FAT4: variants seen among roughly 807,000 people sequenced by gnomAD.
FAT4 encodes protocadherin Fat 4.
In FAT4, 84 loss-of-function variants were observed where a neutral mutation model predicts 303.9. That is an observed-to-expected ratio of 0.28 (90% CI 0.23 to 0.33). The LOEUF (loss-of-function observed/expected upper bound fraction) is 0.33, where lower values mean the gene tolerates loss of function less well. FAT4 is among the 10% of genes least tolerant of loss of function. The probability of loss-of-function intolerance (pLI) is 1.00; values close to 1 mark genes in which losing one functional copy is unlikely to be tolerated. For missense variants in FAT4, 6,005 were observed against 6,146.8 expected (o/e 0.98, Z 0.77); for synonymous variants, 2,307 against 2,298.8 (o/e 1.00, Z -0.10).
Position 125,490,488 on chromosome 4 carries a change from T to C in FAT4, c.13672T>C (p.Phe4558Leu). Residue 4558 changes from phenylalanine (F) to leucine (L), a missense_variant, in exon 18 of 18, where the codon TTT becomes CTT. Transcript: ENST00000394329. ...KKKKGSENVA[F>L]DDPDNIPPYG... ...GAAAAAGGGAAGTGAGAACGTTGCT[T>C]TTGATGACCCTGACAATATCCCTCC... 1 of 1,614,044 alleles carries C rather than the reference T, an allele frequency of 6.2e-7. No homozygotes were observed. Among genetic ancestry groups the C allele is most frequent in the Non-Finnish European group, 8.5e-7 (1 of 1,180,016 alleles).
intron 2 of FAT4, among the ~76,000 whole-genome samples, chr4:125,326,534 A>G (rs527312768): frequency 6.6e-6 from 1 of 152,292 alleles, no homozygotes; most frequent in African/African-American, 2.4e-5. Context: ...TGAGTCTCAG[A>G]TAAGTTAATA....
intron 2 of FAT4, among the ~76,000 whole-genome samples, chr4:125,367,380 A>G (rs945327799): frequency 2.0e-5 from 3 of 152,120 alleles, no homozygotes; most frequent in Admixed American, 6.5e-5. Context: ...GAAGAACACA[A>G]AGGTTATAGA....
intron 2 of FAT4, among the ~76,000 whole-genome samples, chr4:125,382,277 G>A (rs1289450698): frequency 1.3e-5 from 2 of 152,064 alleles, no homozygotes; most frequent in Non-Finnish European, 1.5e-5. Flanking sequence ...GGCAGCTATA[G>A]CCTTACAAGA....
chr4:125,491,502 C>T lies in FAT4; in HGVS notation c.14686C>T (p.His4896Tyr). Residue 4896 changes from histidine to tyrosine, a missense_variant, in exon 18 of 18, where the codon CAC becomes TAC. Coordinates refer to ENST00000394329, the MANE Select transcript of FAT4 (RefSeq NM_001291303.3). The stretch of plus-strand genomic sequence containing the variant: ...AGCCAGACTGAAGCCTCGAAGGTAC[C>T]ACGGTCGCAGGGCCGAGGGAGGACC... ...YGARLKPRRY[H>Y]GRRAEGGPVG... The T allele has an allele frequency of 6.2e-7, 1 of 1,614,116 alleles. No homozygotes were observed. Among genetic ancestry groups the T allele is most frequent in the Non-Finnish European group, 8.5e-7 (1 of 1,180,022 alleles).
intron 2 of FAT4, among the ~76,000 whole-genome samples, chr4:125,357,797 T>C (rs1732494220): frequency 6.6e-6 from 1 of 151,476 alleles, no homozygotes; most frequent in Admixed American, 6.6e-5. Context: ...GGGGTTGTCA[T>C]TTACCGTGGA....
chr4:125,445,753 G>A (rs1725803283), intron 8 of FAT4, among the ~76,000 whole-genome samples: 1 of 152,068 alleles, frequency 6.6e-6, no homozygotes, highest in African/African-American at 2.4e-5. Flanking sequence ...GAATGACAAA[G>A]ACAGAATTAA....
At chr4:125,340,611 C>A (rs1216624202) in intron 2 of FAT4, among the ~76,000 whole-genome samples, 1 of 152,156 alleles carries the variant, frequency 6.6e-6, no homozygotes, top group Non-Finnish European at 1.5e-5. Flanking sequence ...TGGTCTCGAT[C>A]TCTTTTTAAT....
chr4:125,328,945 A>G (rs746510560), intron 2 of FAT4, among the ~76,000 whole-genome samples: 9 of 146,676 alleles, frequency 6.1e-5, no homozygotes, highest in East Asian at 2.0e-4. Flanking sequence ...AGTTGTTTTC[A>G]TATTTCTATA....
Position 125,490,550 on chromosome 4 carries a change from A to G in FAT4, c.13734A>G (p.Glu4578=), listed in dbSNP as rs763363586. Reference sequence around the variant, plus strand: ...ACATGACTGTGAGGAAGCAGCCTGAAGGGAACCCAAAACCAGATATCATTG... The same window carrying G: ...ACATGACTGTGAGGAAGCAGCCTGAGGGGAACCCAAAACCAGATATCATTG... The part of the protein sequence containing the change: ...GDDMTVRKQP[E]GNPKPDIIER... Residue 4578 remains glutamate, a synonymous_variant, in exon 18 of 18, where the codon GAA becomes GAG. Coordinates refer to ENST00000394329, the MANE Select transcript of FAT4 (RefSeq NM_001291303.3). The G allele has an allele frequency of 6.2e-7, 1 of 1,614,162 alleles. No individual in the cohort carries two copies. The highest frequency in any genetic ancestry group is 2.2e-5 in the East Asian group (1 of 44,870).
rs1730738646 is a variant in FAT4, at chr4:125,318,305, T to C, written c.1894T>C (p.Phe632Leu). The C allele has an allele frequency of 1.2e-6, 2 of 1,614,216 alleles. No homozygotes were observed. Among genetic ancestry groups the C allele is most frequent in the Non-Finnish European group, 1.7e-6 (2 of 1,180,048 alleles). ...AGAGGCAGAGACTGACCGGAGGTCC[T>C]TCCGTCTGGATCCTGTGTCTGGGAG... ...LQEAETDRRS[F>L]RLDPVSGRLS... Residue 632 changes from phenylalanine (F) to leucine (L), a missense_variant, in exon 2 of 18, where the codon TTC becomes CTC. By Grantham distance (22) the Phe-to-Leu change is conservative (BLOSUM62 0). Transcript: ENST00000394329.
At chr4:125,398,938 T>G (rs753987479) in intron 3 of FAT4, 23 bp downstream of exon 3, 3 of 1,611,434 alleles carry the variant, frequency 1.9e-6, no homozygotes, top group Non-Finnish European at 2.5e-6. Flanking sequence ...TGTCTCTGAA[T>G]TTGTGAAACT....
At chr4:125,405,674 A>AT (rs1322516868) in intron 3 of FAT4, among the ~76,000 whole-genome samples, 10 of 150,532 alleles carry the variant, frequency 6.6e-5, no homozygotes, top group South Asian at 2.1e-4. Flanking sequence ...AATGTTTTGA[A>AT]TTTTTTTTTA....
intron 2 of FAT4, among the ~76,000 whole-genome samples, chr4:125,348,201 C>G (rs1384140155): frequency 3.3e-5 from 5 of 151,846 alleles, no homozygotes; most frequent in Admixed American, 2.0e-4. Context: ...ACCAAAACAC[C>G]TAACATTGTA....
intron 2 of FAT4, among the ~76,000 whole-genome samples, chr4:125,395,756 C>T (rs1418430134): frequency 6.6e-6 from 1 of 152,072 alleles, no homozygotes; most frequent in Non-Finnish European, 1.5e-5. Flanking sequence ...ATGAAATGGT[C>T]TAGATCTGTA....
Position 125,449,325 on chromosome 4 carries a change from C to T in FAT4, c.8315C>T (p.Ala2772Val). ...AACATTTTAGATGAAAATGATAATG[C>T]CCCTAGGTTTTCTCAGATATTTAGT... ...MINILDENDN[A>V]PRFSQIFSAH... The change falls in exon 10 of 18, where the codon GCC (alanine) becomes GTC (valine). Residue 2772 changes from alanine (A) to valine (V), a missense_variant. Transcript: ENST00000394329. 1.9e-6 allele frequency: 3 copies of T among 1,613,844 alleles called. No homozygotes were observed. The highest frequency in any genetic ancestry group is 2.5e-6 in the Non-Finnish European group (3 of 1,179,892).
Position 125,316,281 on chromosome 4 carries a change from T to G in FAT4, c.-12-119T>G. 1.6e-6 allele frequency: 2 copies of G among 1,270,406 alleles called. No individual in the cohort carries two copies. Among genetic ancestry groups the G allele is most frequent in the Non-Finnish European group, 2.2e-6 (2 of 928,684 alleles). The allele number at this position is 1,270,406 out of a possible 1,614,324, so 78.7% of individuals were successfully genotyped here. On this transcript the variant is annotated intron_variant, in intron 1 of 17. Coordinates refer to ENST00000394329, the MANE Select transcript of FAT4 (RefSeq NM_001291303.3). The surrounding 1 kb of genome is among the most constrained non-coding windows in gnomAD (Gnocchi z 5.7). ...TTGCTTTTGCCGGACTGGAGGTTCT[T>G]TGAAATAGCAGAGGTCTCAGACCAA...
At chr4:125,426,325 C>T (rs532068885) in intron 7 of FAT4, among the ~76,000 whole-genome samples, 1 of 151,994 alleles carries the variant, frequency 6.6e-6, no homozygotes, top group South Asian at 2.1e-4. Flanking sequence ...CTTTTAAGGC[C>T]CCAATAATTC....
In FAT4 at chr4:125,318,039, A is replaced by G; in HGVS notation, c.1628A>G (p.Glu543Gly). 1 of 1,614,168 alleles carries G rather than the reference A, an allele frequency of 6.2e-7. No homozygotes were observed. The highest frequency in any genetic ancestry group is 8.5e-7 in the Non-Finnish European group (1 of 1,180,034). Residue 543 changes from glutamate to glycine, a missense_variant, in exon 2 of 18, where the codon GAA becomes GGA. Transcript: ENST00000394329. The stretch of plus-strand genomic sequence containing the variant: ...GGGTCCTCTGGGGGCCTGGACCGTG[A>G]ACTTGCTTCCCAGATTGTTCTGAAT... ...TTGSSGGLDR[E>G]LASQIVLNIS...
chr4:125,351,070 C>T (rs1732202921), intron 2 of FAT4, among the ~76,000 whole-genome samples: 2 of 151,682 alleles, frequency 1.3e-5, no homozygotes, highest in African/African-American at 4.8e-5. Flanking sequence ...AGAAGCTGCA[C>T]TTAGTGGCCG....
Sources: gnomAD v4.1 joint callset for allele counts (sites outside exome capture counted in the v4.1 genomes callset) on GRCh38, gnomAD v4.1.1 for gene constraint, Gnocchi (gnomAD v3.1) non-coding constraint, MANE v1.5 for transcripts, NCBI Gene and HGNC (gene_info 2026-07-23, HGNC 2026-07-21) for gene names.